Variants in ADGRB3 observed in about 807,000 individuals in gnomAD.
The protein encoded by ADGRB3 is brain-specific angiogenesis inhibitor 3.
Under a neutral mutation model 193.4 loss-of-function variants are expected in ADGRB3, and 37 were observed. The ratio of observed to expected loss-of-function variants is 0.19; its 90% CI spans 0.15 to 0.25. The LOEUF is 0.25. Ranked by LOEUF, ADGRB3 falls within the 10% of genes least tolerant of loss-of-function variation. The probability of loss-of-function intolerance (pLI) is 1.00; values close to 1 mark genes in which losing one functional copy is unlikely to be tolerated. For missense variants in ADGRB3, 1,637 were observed against 1,852.9 expected, an observed-to-expected ratio of 0.88 and a Z score of 2.14; for synonymous variants, 690 against 644.2, an observed-to-expected ratio of 1.07 and a Z score of -1.08.
rs147297368 is a variant in ADGRB3 at position 69,148,256 on chromosome 6, G to A, written c.2480+72218G>A. On this transcript the variant is annotated intron_variant, in intron 17 of 31. Transcript: ENST00000370598. ...TTTAATAAATGTGATTTTTCTGATG[G>A]TATTTTAAAATGTATTACTTTTTAT... Among the ~76,000 whole-genome samples the A allele has an allele frequency of 8.9e-3, 1,354 of 151,762 alleles. 23 individuals carry two copies. The highest frequency in any genetic ancestry group is 0.031 in the African/African-American group (1,293 of 41,394).
At chr6:69,092,668 C>T (rs563136762) in intron 17 of ADGRB3, among the ~76,000 whole-genome samples, 47 of 152,058 alleles carry the variant, frequency 3.1e-4, no homozygotes, top group African/African-American at 8.4e-4. Context: ...AAAACAGGAA[C>T]GTAAAGAGAC....
chr6:68,945,405 C>G (rs1767747804), intron 6 of ADGRB3, among the ~76,000 whole-genome samples: 1 of 152,084 alleles, frequency 6.6e-6, no homozygotes, highest in Non-Finnish European at 1.5e-5. Context: ...CAGTAACATT[C>G]TGTCTTATTT....
At chr6:68,690,053 T>C (rs1050279053) in intron 3 of ADGRB3, among the ~76,000 whole-genome samples, 3 of 152,120 alleles carry the variant, frequency 2.0e-5, no homozygotes, top group Admixed American at 6.6e-5. Context: ...TGTAAGTGGG[T>C]GTGAAATTGA....
At chr6:69,007,924 G>T (rs1769813709) in intron 11 of ADGRB3, among the ~76,000 whole-genome samples, 2 of 152,094 alleles carry the variant, frequency 1.3e-5, no homozygotes, top group African/African-American at 4.8e-5. Context: ...AGTGATAGCT[G>T]CTCTCTGCTT....
intron 17 of ADGRB3, among the ~76,000 whole-genome samples, chr6:69,093,460 A>T (rs950349174): frequency 1.3e-5 from 2 of 151,278 alleles, no homozygotes; most frequent in African/African-American, 4.9e-5. Flanking sequence ...TAGACAGCCT[A>T]GGTTCAAGGG....
chr6:69,175,234 A>G (rs1164099362), intron 17 of ADGRB3, among the ~76,000 whole-genome samples: 1 of 152,178 alleles, frequency 6.6e-6, no homozygotes, highest in Non-Finnish European at 1.5e-5. Flanking sequence ...ACATTTAAAT[A>G]TAAGAGCTCA....
At chr6:69,364,525 A>C (rs1769527445) in intron 29 of ADGRB3, among the ~76,000 whole-genome samples, 1 of 152,062 alleles carries the variant, frequency 6.6e-6, no homozygotes, top group Admixed American at 6.6e-5. Context: ...GCATAAAAAC[A>C]TATCTAGATT....
chr6:69,177,361 T>A (rs1008113159), intron 17 of ADGRB3, among the ~76,000 whole-genome samples: 2 of 151,660 alleles, frequency 1.3e-5, no homozygotes, highest in African/African-American at 4.8e-5. Context: ...TTTTTTTTTT[T>A]ATTTTTATTT....
chr6:69,246,470 C>T (rs951566666), intron 20 of ADGRB3, among the ~76,000 whole-genome samples: 1 of 152,092 alleles, frequency 6.6e-6, no homozygotes, highest in African/African-American at 2.4e-5. Flanking sequence ...TAATGGTTGG[C>T]TAGCTTCTTG....
intron 3 of ADGRB3, among the ~76,000 whole-genome samples, chr6:68,802,214 G>GTGTGTA (rs756568703): frequency 2.1e-5 from 3 of 145,470 alleles, no homozygotes; most frequent in African/African-American, 7.9e-5. Flanking sequence ...GTGTGTGTAT[G>GTGTGTA]TGTGTGTGTG....
At chr6:68,865,982 G>T (rs999318899) in intron 3 of ADGRB3, among the ~76,000 whole-genome samples, 4 of 152,074 alleles carry the variant, frequency 2.6e-5, no homozygotes, top group South Asian at 2.1e-4. Flanking sequence ...CCATATATTT[G>T]CTAGACAGAG....
At chr6:69,378,571 C>T (rs574314665) in intron 30 of ADGRB3, among the ~76,000 whole-genome samples, 17 of 152,156 alleles carry the variant, frequency 1.1e-4, no homozygotes, top group Non-Finnish European at 1.6e-4. Context: ...TGGCTCTTAT[C>T]TGTGTGGCCC....
intron 3 of ADGRB3, among the ~76,000 whole-genome samples, chr6:68,862,492 A>G (rs929386127): frequency 1.3e-5 from 2 of 152,202 alleles, no homozygotes; most frequent in Non-Finnish European, 2.9e-5. Context: ...ACTCTCCTGC[A>G]ATCTTCATAG....
At chr6:69,219,668 T>C (rs2127248371) in intron 17 of ADGRB3, among the ~76,000 whole-genome samples, 1 of 151,506 alleles carries the variant, frequency 6.6e-6, no homozygotes, top group Admixed American at 6.6e-5. Context: ...GTGCATGGTG[T>C]CCTTGGTTTT....
chr6:69,379,571 C>T (rs1215124170), intron 30 of ADGRB3, among the ~76,000 whole-genome samples: 1 of 151,976 alleles, frequency 6.6e-6, no homozygotes, highest in Non-Finnish European at 1.5e-5. Context: ...TATAAACTTT[C>T]CAATGTTCAC....
intron 11 of ADGRB3, among the ~76,000 whole-genome samples, chr6:69,007,623 C>T (rs1206590966): frequency 6.7e-6 from 1 of 150,090 alleles, no homozygotes; most frequent in Non-Finnish European, 1.5e-5. Context: ...CAAATGTGAC[C>T]TTCTTAGAAA....
At chr6:68,991,877 C>G (rs185385711) in intron 10 of ADGRB3, among the ~76,000 whole-genome samples, 31 of 152,216 alleles carry the variant, frequency 2.0e-4, no homozygotes, top group African/African-American at 7.5e-4. Context: ...AGCTGAGTGT[C>G]CAATGAACTC....
At chr6:68,918,184 A>G (rs558656495) in intron 3 of ADGRB3, among the ~76,000 whole-genome samples, 1 of 152,326 alleles carries the variant, frequency 6.6e-6, no homozygotes, top group African/African-American at 2.4e-5. Flanking sequence ...AAAGTTCATT[A>G]TAATTGGATA....
At chr6:69,038,765 TAAG>T (rs921540456) in intron 13 of ADGRB3, among the ~76,000 whole-genome samples, 3 of 152,192 alleles carry the variant, frequency 2.0e-5, no homozygotes, top group Admixed American at 1.3e-4. Flanking sequence ...GTGACAAAAC[TAAG>T]AAGTCTTAAA....
Sources: allele counts gnomAD v4.1 joint callset (sites outside exome capture counted in the v4.1 genomes callset), GRCh38; gene constraint gnomAD v4.1.1; transcripts MANE v1.5; gene names NCBI Gene and HGNC (gene_info 2026-07-23, HGNC 2026-07-21).